The following KCNQ5 variants were observed in gnomAD, a reference collection of about 807,000 sequenced individuals.
The protein encoded by KCNQ5 is potassium voltage-gated channel subfamily KQT member 5.
In KCNQ5, 30 loss-of-function variants were observed where a neutral mutation model predicts 98.2. The ratio of observed to expected loss-of-function variants is 0.31; its 90% CI spans 0.23 to 0.41. The LOEUF is 0.41. KCNQ5 is among the 10% of genes least tolerant of loss of function. The probability of loss-of-function intolerance (pLI) is 1.00; values close to 1 mark genes in which losing one functional copy is unlikely to be tolerated. For synonymous variants in KCNQ5, 458 were observed against 449.4 expected (o/e 1.02, Z -0.24); for missense variants, 835 against 1,182.5 (o/e 0.71, Z 4.31).
chr6:72,920,938 T>C (rs1780364976), intron 1 of KCNQ5, among the ~76,000 whole-genome samples: 2 of 152,200 alleles, frequency 1.3e-5, no homozygotes, highest in South Asian at 4.1e-4. Flanking sequence ...TTCTTCCTTA[T>C]CTATTTAATT....
chr6:72,908,119 A>G (rs895534140), intron 1 of KCNQ5, among the ~76,000 whole-genome samples: 97 of 152,226 alleles, frequency 6.4e-4, no homozygotes, highest in African/African-American at 2.2e-3. Flanking sequence ...TAGTCTTTCA[A>G]TGACATATAC....
In KCNQ5 at chr6:72,857,501, C is replaced by T. The variant is rs567483526; in HGVS notation, c.399-146407C>T. The stretch of plus-strand genomic sequence containing the variant: ...TTTTACAGGAAGGGCAGTTTACATA[C>T]AAAACAAGTTTACAGGATGAAGCCT... On this transcript the variant is annotated intron_variant, in intron 1 of 13. Coordinates refer to ENST00000370398, the MANE Select transcript of KCNQ5 (RefSeq NM_019842.4). 2.0e-4 allele frequency among the ~76,000 whole-genome samples: 30 copies of T among 152,272 alleles called. 1 individual carries two copies. The South Asian group carries it at 5.8e-3, about 29-fold the overall frequency.
intron 1 of KCNQ5, among the ~76,000 whole-genome samples, chr6:72,855,226 A>G (rs1582416697): frequency 6.6e-6 from 1 of 152,256 alleles, no homozygotes; most frequent in East Asian, 1.9e-4. Context: ...TTTAAACACG[A>G]TAAATTAAAA....
Position 73,120,551 on chromosome 6 carries a change from G to A in KCNQ5, c.1194G>A (p.Lys398=). 1 of 1,611,344 alleles carries A rather than the reference G, an allele frequency of 6.2e-7. No individual in the cohort carries two copies. Among genetic ancestry groups the A allele is most frequent in the Non-Finnish European group, 8.5e-7 (1 of 1,178,260 alleles). ...TTGCAACCTGGAAGCCACACTTGAAGGCCTTGCACACCTGCAGCCCTACCA... is the reference window on the plus strand; with the variant it reads ...TTGCAACCTGGAAGCCACACTTGAAAGCCTTGCACACCTGCAGCCCTACCA... The part of the protein sequence containing the change: ...VSIATWKPHL[K]ALHTCSPTKK... Residue 398 remains lysine (K), a synonymous_variant, in exon 8 of 14, where the codon AAG becomes AAA. Transcript: ENST00000370398.
At chr6:73,051,809 C>A (rs1430924120) in intron 3 of KCNQ5, among the ~76,000 whole-genome samples, 1 of 151,070 alleles carries the variant, frequency 6.6e-6, no homozygotes, top group African/African-American at 2.4e-5. Context: ...AGAACCAGTG[C>A]AAGAGCTCTG....
intron 1 of KCNQ5, among the ~76,000 whole-genome samples, chr6:72,952,933 A>G (rs916977474): frequency 6.6e-6 from 1 of 152,224 alleles, no homozygotes; most frequent in African/African-American, 2.4e-5. Flanking sequence ...CAAATTCCGG[A>G]AATAGAGATT....
intron 1 of KCNQ5, among the ~76,000 whole-genome samples, chr6:72,736,852 A>C (rs955843876): frequency 6.6e-6 from 1 of 152,132 alleles, no homozygotes; most frequent in African/African-American, 2.4e-5. Flanking sequence ...TAAAGGTGAA[A>C]GTATTATCAT....
intron 1 of KCNQ5, among the ~76,000 whole-genome samples, chr6:72,681,303 A>G (rs151025138): frequency 3.5e-4 from 54 of 152,344 alleles, no homozygotes; most frequent in African/African-American, 1.3e-3. Flanking sequence ...ATGATAAGAG[A>G]TAATAATAGC....
chr6:73,089,656 G>A (rs747520176), intron 5 of KCNQ5, among the ~76,000 whole-genome samples: 3 of 151,990 alleles, frequency 2.0e-5, no homozygotes, highest in East Asian at 3.9e-4. Flanking sequence ...TGAGAACATA[G>A]GATGTTTGGT....
At chr6:72,899,401 G>A (rs890996310) in intron 1 of KCNQ5, among the ~76,000 whole-genome samples, 21 of 151,934 alleles carry the variant, frequency 1.4e-4, no homozygotes, top group East Asian at 3.9e-4. Context: ...CTCTCAGATC[G>A]TTTACTAATG....
At chr6:72,633,299 T>G (rs572725883) in intron 1 of KCNQ5, among the ~76,000 whole-genome samples, 1 of 152,304 alleles carries the variant, frequency 6.6e-6, no homozygotes, top group South Asian at 2.1e-4. Flanking sequence ...GTTGATTTGT[T>G]TAAGTTCATA....
chr6:72,806,924 T>C, intron 1 of KCNQ5: 1 of 374,542 alleles, frequency 2.7e-6, no homozygotes, highest in South Asian at 2.0e-5. Flanking sequence ...AACTTCTTTC[T>C]ATAAACAATA....
chr6:72,983,789 G>T (rs2350392), intron 1 of KCNQ5, among the ~76,000 whole-genome samples: 120,470 of 151,986 alleles, frequency 0.79, 49,444 homozygotes, highest in Non-Finnish European at 0.9. Flanking sequence ...TTCTGTTCTT[G>T]TTTCTCCCCA....
At chr6:72,895,294 A>G (rs913520447) in intron 1 of KCNQ5, among the ~76,000 whole-genome samples, 1 of 150,884 alleles carries the variant, frequency 6.6e-6, no homozygotes, top group Admixed American at 6.6e-5. Context: ...GTCTCAAAAA[A>G]AAAAAAAAGA....
chr6:72,778,285 C>T (rs1773264437), intron 1 of KCNQ5, among the ~76,000 whole-genome samples: 2 of 152,082 alleles, frequency 1.3e-5, no homozygotes, highest in Admixed American at 1.3e-4. Context: ...GCCTCTAATC[C>T]CAGTACTTTG....
At chr6:72,771,505 T>A (rs77989015) in intron 1 of KCNQ5, among the ~76,000 whole-genome samples, 1,559 of 152,214 alleles carry the variant, frequency 0.01, 11 homozygotes, top group Non-Finnish European at 0.018. Context: ...GAAGTTATAG[T>A]TCATTGTGGT....
At position 72,943,980 on chromosome 6, in the gene KCNQ5, A is replaced by G. The variant is rs1054468097; in HGVS notation, c.399-59928A>G. Among the ~76,000 whole-genome samples, 5 of 152,222 alleles carry G rather than the reference A, an allele frequency of 3.3e-5. No homozygotes were observed. The East Asian group carries it at 7.7e-4, about 23-fold the overall frequency. On this transcript the variant is annotated intron_variant, in intron 1 of 13. Coordinates refer to ENST00000370398, the MANE Select transcript of KCNQ5 (RefSeq NM_019842.4). ...AAAGACATTTAGAAACCAAGAAGGTAAACAACTTGCCTGAATTTATCAGAG... is the reference window on the plus strand; with the variant it reads ...AAAGACATTTAGAAACCAAGAAGGTGAACAACTTGCCTGAATTTATCAGAG...
At chr6:73,094,831 C>T (rs944749811) in intron 5 of KCNQ5, among the ~76,000 whole-genome samples, 1 of 152,162 alleles carries the variant, frequency 6.6e-6, no homozygotes, top group Non-Finnish European at 1.5e-5. Context: ...TTACCAGGTA[C>T]TTTTGTCTCA....
chr6:72,833,971 A>C (rs2150126441), intron 1 of KCNQ5, among the ~76,000 whole-genome samples: 1 of 152,250 alleles, frequency 6.6e-6, no homozygotes, highest in South Asian at 2.1e-4. Context: ...ACTTGTGTAA[A>C]TTTAGTAAGA....
Sources: gnomAD v4.1 joint callset for allele counts (sites outside exome capture counted in the v4.1 genomes callset) on GRCh38, gnomAD v4.1.1 for gene constraint, MANE v1.5 for transcripts, NCBI Gene and HGNC (gene_info 2026-07-23, HGNC 2026-07-21) for gene names.